The following DHX37 variants were observed in gnomAD, a reference collection of about 807,000 sequenced individuals.
DHX37 encodes the protein probable ATP-dependent RNA helicase DHX37.
Under a neutral mutation model 134.3 loss-of-function variants are expected in DHX37, and 52 were observed. The ratio of observed to expected loss-of-function variants is 0.39; its 90% CI spans 0.31 to 0.49. DHX37 has a LOEUF of 0.49. DHX37 is among the 20% of genes least tolerant of loss of function. DHX37 has a pLI of 0.93. For synonymous variants in DHX37, 634 were observed against 670.7 expected (o/e 0.95, Z 0.85); for missense variants, 1,344 against 1,580.8 (o/e 0.85, Z 2.54).
chr12:124,948,181 C>G lies in DHX37; in HGVS notation c.3291G>C (p.Arg1097Ser), dbSNP rs1953910639. 6.2e-7 allele frequency: 1 copy of G among 1,613,672 alleles called. No individual in the cohort carries two copies. Among genetic ancestry groups the G allele is most frequent in the Non-Finnish European group, 8.5e-7 (1 of 1,179,844 alleles). The change falls in exon 26 of 27, where the codon AGG becomes AGC. Residue 1097 changes from arginine (R) to serine (S), a missense_variant and splice_region_variant. Physicochemically the swap from Arg to Ser is moderately radical, Grantham distance 110. Coordinates refer to ENST00000308736, the MANE Select transcript of DHX37 (RefSeq NM_032656.4). ...SPGTMLKTWARLQPRTESLLR... is the reference protein window; with the variant it reads ...SPGTMLKTWASLQPRTESLLR... ...GAAGGCTCTCCGTACGGGGCTGCAG[C>G]CTGTGGGGCAGGAATGCACGTTGGT...
intron 5 of DHX37, among the ~76,000 whole-genome samples, chr12:124,975,939 A>G (rs569717082): frequency 3.9e-4 from 60 of 152,324 alleles, no homozygotes; most frequent in African/African-American, 1.4e-3. Flanking sequence ...CTGAACCTGT[A>G]CAACAGGAGA....
Position 124,972,032 on chromosome 12 carries a change from C to G in DHX37, c.1077+471G>C, listed in dbSNP as rs531101811. On this transcript the variant is annotated intron_variant, in intron 7 of 26. Transcript: ENST00000308736. Reference sequence around the variant, plus strand: ...CAAGCCCCAGCGGCCCCTCCCCTTTCCCTCAGCCTGAGGCTGGTACCCCAC... The same window carrying G: ...CAAGCCCCAGCGGCCCCTCCCCTTTGCCTCAGCCTGAGGCTGGTACCCCAC... Among the ~76,000 whole-genome samples, 3 of 152,360 alleles carry G rather than the reference C, an allele frequency of 2.0e-5. No individual in the cohort carries two copies. In the East Asian group the frequency reaches 5.8e-4, roughly 29 times the overall value.
At chr12:124,972,391 GGA>G in intron 7 of DHX37, 110 bp downstream of exon 7, 1 of 1,057,046 alleles carries the variant, frequency 9.5e-7, no homozygotes, top group Non-Finnish European at 1.5e-6. Flanking sequence ...CAGCACCGTG[GGA>G]GTGCTGGATC....
rs4258464 is a variant in DHX37 at position 124,953,977 on chromosome 12, C to T, written c.2598G>A (p.Glu866=). Reference sequence around the variant, plus strand: ...AAAACTGGGGTGTGCAGCTGGCATACTCACAGGCTCCCACGGCGCCTGGGG... The same window carrying T: ...AAAACTGGGGTGTGCAGCTGGCATATTCACAGGCTCCCACGGCGCCTGGGG... ...MVLLGAVGAC[E]YASCTPQFCE... The change falls in exon 20 of 27, where the codon GAG becomes GAA. Residue 866 remains glutamate, a synonymous_variant. Coordinates refer to ENST00000308736, the MANE Select transcript of DHX37 (RefSeq NM_032656.4). 0.6 allele frequency: 970,259 copies of T among 1,612,544 alleles called. 296,528 individuals are homozygous for T. The highest frequency in any genetic ancestry group is 0.83 in the East Asian group (37,260 of 44,812).
intron 21 of DHX37, among the ~76,000 whole-genome samples, chr12:124,951,787 A>C (rs1594472144): frequency 6.6e-6 from 1 of 152,006 alleles, no homozygotes; most frequent in Admixed American, 6.6e-5. Context: ...GCCTGGCCAA[A>C]ATGGTGAAAC....
At chr12:124,966,942 C>G in intron 11 of DHX37, 64 bp from the exon 12 acceptor site, 1 of 1,602,230 alleles carries the variant, frequency 6.2e-7, no homozygotes, top group Non-Finnish European at 8.6e-7. Context: ...GCACACTGCC[C>G]TTTGTTGTTC....
chr12:124,977,572 C>A, intron 4 of DHX37, 82 bp from the exon 5 acceptor site: 1 of 1,455,038 alleles, frequency 6.9e-7, no homozygotes, highest in South Asian at 1.4e-5. Context: ...GCAGCTGACA[C>A]ATGGGTGCTG....
chr12:124,952,361 C>T (rs1185753079), intron 21 of DHX37, 37 bp downstream of exon 21: 2 of 1,569,144 alleles, frequency 1.3e-6, no homozygotes, highest in Non-Finnish European at 8.6e-7. Flanking sequence ...ACCAGGTGCC[C>T]CAAGCTACCC....
chr12:124,974,701 C>T (rs1363312747), intron 6 of DHX37, among the ~76,000 whole-genome samples: 6 of 152,042 alleles, frequency 3.9e-5, no homozygotes, highest in African/African-American at 1.5e-4. Flanking sequence ...ATGCTCCCAG[C>T]CATTGTAAAG....
rs927999187 is a variant in DHX37 at position 124,961,304 on chromosome 12, ACG to A, written c.2046-883_2046-882del. 3.6e-4 allele frequency among the ~76,000 whole-genome samples: 53 copies of A among 146,670 alleles called. No individual in the cohort carries two copies. The Middle Eastern group carries it at 0.01, about 29-fold the overall frequency. On this transcript the variant is annotated intron_variant, in intron 15 of 26. Transcript: ENST00000308736. ...CACACACACTTACACGCGTGCACGC[ACG>A]CACACACACTTACATACACACGTGC... is the stretch of plus-strand genomic sequence containing the variant.
Position 124,965,811 on chromosome 12 carries a change from A to G in DHX37, c.1592T>C (p.Val531Ala). The change falls in exon 13 of 27, where the codon GTG becomes GCG. Residue 531 changes from valine to alanine, a missense_variant and splice_region_variant. Coordinates refer to ENST00000308736, the MANE Select transcript of DHX37 (RefSeq NM_032656.4). ...RARAKKARAE[V>A]LPQINLDHYS... ...ATGATCCAAGTTGATCTGGGGCAGC[A>G]CCTACGGCGAACAAGACATAGACAC... is the stretch of plus-strand genomic sequence containing the variant. The G allele has an allele frequency of 6.2e-7, 1 of 1,612,978 alleles. No individual in the cohort carries two copies. The highest frequency in any genetic ancestry group is 8.5e-7 in the Non-Finnish European group (1 of 1,179,388).
At position 124,980,808 on chromosome 12, in the gene DHX37, C is replaced by T; in HGVS notation, c.420G>A (p.Gln140=). 1 of 1,557,228 alleles carries T rather than the reference C, an allele frequency of 6.4e-7. No homozygotes were observed. Among genetic ancestry groups the T allele is most frequent in the South Asian group, 1.2e-5 (1 of 85,648 alleles). ...CACCGCTGAGGCTACTGATCTTCTC[C>T]TGGCCCGGGGCTACCACCTCGTCAG... The part of the protein sequence containing the change: ...EKADEVVAPG[Q]EKISSLSGAH... Residue 140 remains glutamine (Q), a synonymous_variant, in exon 4 of 27, where the codon CAG becomes CAA. Transcript: ENST00000308736. This position sits in a 1 kb window ranked among gnomAD's most constrained non-coding sequence, Gnocchi z 5.3.
intron 10 of DHX37, 121 bp from the exon 11 acceptor site, chr12:124,967,339 A>C: frequency 9.2e-7 from 1 of 1,090,682 alleles, no homozygotes; most frequent in East Asian, 2.6e-5. Context: ...GGAGGACAGG[A>C]GTACACAGAC....
At position 124,950,520 on chromosome 12, in the gene DHX37, G is replaced by A. The variant is rs776325656; in HGVS notation, c.3014C>T (p.Pro1005Leu). 3 of 1,563,402 alleles carry A rather than the reference G, an allele frequency of 1.9e-6. No individual in the cohort carries two copies. Among genetic ancestry groups the A allele is most frequent in the Non-Finnish European group, 2.6e-6 (3 of 1,155,088 alleles). ...GVSSVEVQWI[P>L]ALLPSYCQFD... ...CTGGCAGTAAGAGGGCAGCAGGGCC[G>A]GGATCCACTGGACCTCCACGCTAGA... is the stretch of plus-strand genomic sequence containing the variant. The change falls in exon 23 of 27, where the codon CCG becomes CTG. Residue 1005 changes from proline (P) to leucine (L), a missense_variant. Pro to Leu is a moderately conservative substitution (Grantham distance 98). Transcript: ENST00000308736.
At chr12:124,950,315 CGA>C (rs1953951228) in intron 23 of DHX37, 72 bp from the exon 24 acceptor site, 2 of 1,605,780 alleles carry the variant, frequency 1.2e-6, no homozygotes, top group Non-Finnish European at 8.5e-7. Flanking sequence ...CTGCCCCACC[CGA>C]GACACACACG....
Position 124,982,528 on chromosome 12 carries a change from G to A in DHX37, c.372C>T (p.Arg124=). 1 of 1,613,680 alleles carries A rather than the reference G, an allele frequency of 6.2e-7. No homozygotes were observed. Among genetic ancestry groups the A allele is most frequent in the Non-Finnish European group, 8.5e-7 (1 of 1,179,760 alleles). Residue 124 remains arginine (R), a synonymous_variant, in exon 3 of 27, where the codon CGC becomes CGT. Coordinates refer to ENST00000308736, the MANE Select transcript of DHX37 (RefSeq NM_032656.4). ...YTTSKLGTGN[R]MYHTKEKADE... ...CAACTCACTCTTTGGTGTGATACAT[G>A]CGGTTCCCAGTGCCTAGCTTGGAAG...
chr12:124,966,349 T>TA (rs972664110), intron 12 of DHX37, among the ~76,000 whole-genome samples: 3 of 152,146 alleles, frequency 2.0e-5, no homozygotes, highest in Non-Finnish European at 2.9e-5. Context: ...ATTACAGGCG[T>TA]AGCCACCACG....
At position 124,967,221 on chromosome 12, in the gene DHX37, G is replaced by A. The variant is rs60252902; in HGVS notation, c.1409-3C>T. ...CGTCAGGAACACCAGGATGCCACCTGTGGAAAGAATGGGCCCCTCTGTTAT... is the reference window on the plus strand; with the variant it reads ...CGTCAGGAACACCAGGATGCCACCTATGGAAAGAATGGGCCCCTCTGTTAT... On this transcript the variant is annotated splice_region_variant and splice_polypyrimidine_tract_variant and intron_variant, in intron 10 of 26. Transcript: ENST00000308736. 189,731 of 1,613,044 alleles carry A rather than the reference G, an allele frequency of 0.12. 16,189 individuals are homozygous for A. Among genetic ancestry groups the A allele is most frequent in the African/African-American group, 0.44 (33,204 of 74,936 alleles).
intron 6 of DHX37, among the ~76,000 whole-genome samples, chr12:124,974,737 G>A (rs1954597318): frequency 6.6e-6 from 1 of 151,916 alleles, no homozygotes; most frequent in South Asian, 2.1e-4. Context: ...CCTGTTCAAG[G>A]CTGCTTTCCA....
Sources: gnomAD v4.1 joint callset for allele counts (sites outside exome capture counted in the v4.1 genomes callset) on GRCh38, gnomAD v4.1.1 for gene constraint, Gnocchi (gnomAD v3.1) non-coding constraint, MANE v1.5 for transcripts, NCBI Gene and HGNC (gene_info 2026-07-23, HGNC 2026-07-21) for gene names.